Variants in FZD6 observed in about 807,000 individuals in gnomAD.
The protein encoded by FZD6 is frizzled-6.
A neutral mutation model predicts 61.4 loss-of-function variants in FZD6; 49 were observed. The observed-to-expected ratio is 0.80, with a 90% confidence interval of 0.63 to 1.01. The LOEUF is 1.01. Ranked by LOEUF, FZD6 falls within the 50% of genes least tolerant of loss-of-function variation. The pLI, the probability that FZD6 is intolerant of heterozygous loss-of-function variation, is 0.00. For synonymous variants in FZD6, 265 were observed against 292.2 expected, an observed-to-expected ratio of 0.91 and a Z score of 0.95; for missense variants, 724 against 848.2, an observed-to-expected ratio of 0.85 and a Z score of 1.82.
chr8:103,300,412 G>C (rs1248979718), intron 2 of FZD6, 128 bp downstream of exon 2: 2 of 777,048 alleles, frequency 2.6e-6, no homozygotes, highest in Admixed American at 3.8e-5. Flanking sequence ...GTTTTGAAAA[G>C]TCCTTTTGAA....
chr8:103,306,712 A>C (rs1814342424), intron 2 of FZD6, among the ~76,000 whole-genome samples: 1 of 151,770 alleles, frequency 6.6e-6, no homozygotes, highest in Non-Finnish European at 1.5e-5. Context: ...TAACCATGTT[A>C]GCCAGGATGG....
In FZD6 at chr8:103,324,918, A is replaced by G. The variant is rs1563692618; in HGVS notation, c.812A>G (p.Asp271Gly). 7 of 1,613,876 alleles carry G rather than the reference A, an allele frequency of 4.3e-6. No homozygotes were observed. In the Admixed American group the frequency reaches 1.0e-4, roughly 23 times the overall value. Residue 271 changes from aspartate (D) to glycine (G), a missense_variant, in exon 4 of 7, where the codon GAC (aspartate) becomes GGC (glycine). Physicochemically the swap from Asp to Gly is moderately conservative, Grantham distance 94 (BLOSUM62 -1). Coordinates refer to ENST00000358755, the MANE Select transcript of FZD6 (RefSeq NM_003506.4). ...GCAGATGAGAAGCTAGAACTTGGTGACACTGTTGTCCTAGGCTCTCAAAAT... is the reference window on the plus strand; with the variant it reads ...GCAGATGAGAAGCTAGAACTTGGTGGCACTGTTGTCCTAGGCTCTCAAAAT... ...NKADEKLELG[D>G]TVVLGSQNKA...
chr8:103,328,120 C>T, intron 4 of FZD6, 148 bp from the exon 5 acceptor site: 1 of 633,028 alleles, frequency 1.6e-6, no homozygotes, highest in South Asian at 2.0e-5. Context: ...ATGTGTTGCA[C>T]TTAGAGCATG....
At position 103,329,630 on chromosome 8, in the gene FZD6, ATCCTC is replaced by A. The variant is rs1229919518; in HGVS notation, c.1542-20_1542-16del. 3 of 1,556,262 alleles carry A rather than the reference ATCCTC, an allele frequency of 1.9e-6. No homozygotes were observed. Among genetic ancestry groups the A allele is most frequent in the Non-Finnish European group, 2.7e-6 (3 of 1,128,406 alleles). On this transcript the variant is annotated intron_variant, in intron 5 of 6. Transcript: ENST00000358755. The stretch of plus-strand genomic sequence containing the variant: ...ATAGCCACACTTCTAATTTGAGTAA[ATCCTC>A]TCCTTCAATTTTCTTATAGTCCAAT...
rs1241855371 is a variant in FZD6, at chr8:103,328,258, T to A, written c.1393-10T>A. ...TCACTGAAAATATTATTATTCACTA[T>A]TTTTTGTAGGCAAAAGCAAAAGCTC... On this transcript the variant is annotated splice_polypyrimidine_tract_variant and intron_variant, in intron 4 of 6. Coordinates refer to ENST00000358755, the MANE Select transcript of FZD6 (RefSeq NM_003506.4). The A allele has an allele frequency of 6.3e-7, 1 of 1,599,820 alleles. No individual in the cohort carries two copies. The highest frequency in any genetic ancestry group is 8.6e-7 in the Non-Finnish European group (1 of 1,167,114).
At chr8:103,301,291 A>C (rs1814163464) in intron 2 of FZD6, among the ~76,000 whole-genome samples, 1 of 152,158 alleles carries the variant, frequency 6.6e-6, no homozygotes, top group African/African-American at 2.4e-5. Context: ...AGTACAGATT[A>C]TATTATTGTT....
At chr8:103,328,239 A>G (rs1210233599) in intron 4 of FZD6, 29 bp from the exon 5 acceptor site, 1 of 1,579,150 alleles carries the variant, frequency 6.3e-7, no homozygotes, top group Non-Finnish European at 8.7e-7. Context: ...TGCATCACTG[A>G]AAATATTATT....
intron 3 of FZD6, among the ~76,000 whole-genome samples, chr8:103,323,195 G>A (rs866766461): frequency 4.6e-5 from 7 of 152,136 alleles, no homozygotes; most frequent in South Asian, 2.1e-4. Context: ...AGTAAACACC[G>A]AATTTGTGGT....
chr8:103,328,206 T>C (rs1156798977), intron 4 of FZD6, 62 bp from the exon 5 acceptor site: 25 of 1,239,354 alleles, frequency 2.0e-5, no homozygotes, highest in Admixed American at 8.4e-5. Flanking sequence ...ATATTGACAA[T>C]ATAGACTTCT....
chr8:103,317,570 T>G (rs1458746694), intron 2 of FZD6, among the ~76,000 whole-genome samples: 1 of 151,942 alleles, frequency 6.6e-6, no homozygotes, highest in African/African-American at 2.4e-5. Flanking sequence ...CCAACAGGAT[T>G]TGCTGATGGG....
intron 2 of FZD6, chr8:103,307,687 A>G: frequency 2.3e-6 from 1 of 441,342 alleles, no homozygotes; most frequent in Non-Finnish European, 4.5e-6. Context: ...AACTCTGAAG[A>G]AGGAGCCTCC....
rs1487776894 is a variant in FZD6 at position 103,318,602 on chromosome 8, C to T, written c.190C>T (p.Leu64Phe). Residue 64 changes from leucine to phenylalanine, a missense_variant, in exon 3 of 7, where the codon CTC becomes TTC. Coordinates refer to ENST00000358755, the MANE Select transcript of FZD6 (RefSeq NM_003506.4). ...AAVEMEHFLP[L>F]ANLECSPNIE... Reference sequence around the variant, plus strand: ...ATGTCTTTAATAGCATTTTCTTCCTCTCGCAAATCTGGAATGTTCACCAAA... The same window carrying T: ...ATGTCTTTAATAGCATTTTCTTCCTTTCGCAAATCTGGAATGTTCACCAAA... 5 of 1,601,440 alleles carry T rather than the reference C, an allele frequency of 3.1e-6. No individual in the cohort carries two copies. The highest frequency in any genetic ancestry group is 4.3e-6 in the Non-Finnish European group (5 of 1,168,556).
In FZD6 at chr8:103,329,669, G is replaced by C. The variant is rs759490885; in HGVS notation, c.1556G>C (p.Ser519Thr). ...RNRKRDPISE[S>T]RRVLQESCEF... ...TTTTCTTATAGTCCAATCAGTGAAA[G>C]TCGAAGAGTACTACAGGAATCATGT... is the stretch of plus-strand genomic sequence containing the variant. Residue 519 changes from serine to threonine, a missense_variant, in exon 6 of 7, where the codon AGT (serine) becomes ACT (threonine). Transcript: ENST00000358755. 1.2e-6 allele frequency: 2 copies of C among 1,608,282 alleles called. No homozygotes were observed. The highest frequency in any genetic ancestry group is 2.7e-5 in the African/African-American group (2 of 74,832).
At chr8:103,298,773 C>CCCGCCG (rs539743508), upstream of FZD6, 1,502 of 158,490 alleles carry the variant, frequency 9.5e-3, 10 homozygotes, top group East Asian at 0.044. Flanking sequence ...CAGGGCCAGT[C>CCCGCCG]CCGCCGCCGC....
chr8:103,309,377 A>G (rs1293796265), intron 2 of FZD6, among the ~76,000 whole-genome samples: 1 of 152,208 alleles, frequency 6.6e-6, no homozygotes, highest in Non-Finnish European at 1.5e-5. Context: ...TATTTGCTAC[A>G]GGAAAGAGAC....
upstream of FZD6, chr8:103,298,789 C>A (rs1474055491): frequency 1.2e-5 from 2 of 163,980 alleles, no homozygotes; most frequent in Non-Finnish European, 2.5e-5. Context: ...GCCGCCGCCG[C>A]CGCCGCCGCC....
At chr8:103,298,829 C>G (rs1814053592), upstream of FZD6, 1 of 165,956 alleles carries the variant, frequency 6.0e-6, no homozygotes, top group Non-Finnish European at 1.2e-5. Context: ...ACCTGCCCGC[C>G]CGACCTGGCG....
chr8:103,301,205 TCTGA>T (rs1371406851), intron 2 of FZD6, among the ~76,000 whole-genome samples: 3 of 152,222 alleles, frequency 2.0e-5, no homozygotes, highest in African/African-American at 7.2e-5. Context: ...TGAATAGTTG[TCTGA>T]CTGCCTCATT....
In FZD6 at chr8:103,325,140, T is replaced by C. The variant is rs371618519; in HGVS notation, c.1034T>C (p.Met345Thr). Residue 345 changes from methionine to threonine, a missense_variant, in exon 4 of 7, where the codon ATG (methionine) becomes ACG (threonine). Transcript: ENST00000358755. The part of the protein sequence containing the change: ...PGFLTVMLLA[M>T]NKVEGDNISG... ...TTCCTGACTGTTATGCTTCTTGCTA[T>C]GAACAAAGTTGAAGGAGACAACATT... 3.7e-6 allele frequency: 6 copies of C among 1,614,010 alleles called. No individual in the cohort carries two copies. In the African/African-American group the frequency reaches 8.0e-5, roughly 22 times the overall value.
Sources: gnomAD v4.1 joint callset for allele counts (sites outside exome capture counted in the v4.1 genomes callset) on GRCh38, gnomAD v4.1.1 for gene constraint, MANE v1.5 for transcripts, NCBI Gene and HGNC (gene_info 2026-07-23, HGNC 2026-07-21) for gene names.